The following ACADM variants were observed in gnomAD, a reference collection of about 807,000 sequenced individuals.
ACADM encodes the protein acyl-CoA dehydrogenase medium chain.
In ACADM, 49 loss-of-function variants were observed where a neutral mutation model predicts 58.9. That is an observed-to-expected ratio of 0.83 (90% CI 0.66 to 1.06). ACADM has a LOEUF of 1.06. Ranked by LOEUF, ACADM falls within the 50% of genes least tolerant of loss-of-function variation. The pLI, the probability that ACADM is intolerant of heterozygous loss-of-function variation, is 0.00. For synonymous variants in ACADM, 160 were observed against 157.7 expected, an observed-to-expected ratio of 1.01 and a Z score of -0.11; for missense variants, 496 against 507.0, an observed-to-expected ratio of 0.98 and a Z score of 0.21.
intron 6 of ACADM, among the ~76,000 whole-genome samples, chr1:75,738,617 A>T (rs1193115889): frequency 6.6e-6 from 1 of 152,118 alleles, no homozygotes; most frequent in African/African-American, 2.4e-5. Flanking sequence ...GTATATTTTT[A>T]AAAAATAAAT....
intron 2 of ACADM, 96 bp downstream of exon 2, chr1:75,728,584 C>A: frequency 1.1e-6 from 1 of 911,488 alleles, no homozygotes; most frequent in Non-Finnish European, 1.8e-6. Context: ...TTAATAATGT[C>A]TTTCAATGAG....
intron 7 of ACADM, among the ~76,000 whole-genome samples, chr1:75,742,778 C>T (rs772241868): frequency 2.0e-5 from 3 of 152,238 alleles, no homozygotes; most frequent in Admixed American, 1.3e-4. Context: ...GATTACAACA[C>T]GTGACCTCAG....
intron 6 of ACADM, among the ~76,000 whole-genome samples, chr1:75,738,980 G>A (rs77611227): frequency 2.0e-5 from 3 of 152,138 alleles, no homozygotes; most frequent in East Asian, 1.9e-4. Flanking sequence ...GATTCTCGTC[G>A]ACCATTTCCT....
intron 7 of ACADM, chr1:75,743,676 A>C: frequency 6.8e-7 from 1 of 1,459,910 alleles, no homozygotes; most frequent in Admixed American, 1.7e-5. Context: ...TGGTGAAGGT[A>C]CCACCATCCA....
chr1:75,749,316 T>G, intron 8 of ACADM, 103 bp from the exon 9 acceptor site: 3 of 1,199,572 alleles, frequency 2.5e-6, no homozygotes, highest in Non-Finnish European at 3.6e-6. Context: ...AGTTTGTTGA[T>G]CCCTGTTTTA....
Position 75,734,826 on chromosome 1 carries a change from AAAG to A in ACADM, c.430_432del (p.Lys144del), listed in dbSNP as rs875989857. On this transcript the variant is annotated inframe_deletion, in exon 6 of 12. Transcript: ENST00000370841. ...TTATTATTGCTGGAAATGATCAACA[AAAG>A]AAGAAGTATTTGGGGAGAATGACTG... The A allele has an allele frequency of 1.1e-5, 17 of 1,613,864 alleles. No homozygotes were observed. Among genetic ancestry groups the A allele is most frequent in the Non-Finnish European group, 1.4e-5 (16 of 1,179,940 alleles).
intron 7 of ACADM, among the ~76,000 whole-genome samples, chr1:75,743,217 G>A (rs562662553): frequency 3.3e-5 from 5 of 152,322 alleles, no homozygotes; most frequent in Admixed American, 1.3e-4. Context: ...TCGAGGGTAT[G>A]AGACAGGTGC....
chr1:75,758,054 ACT>A (rs912441062), intron 10 of ACADM, among the ~76,000 whole-genome samples: 10 of 151,778 alleles, frequency 6.6e-5, no homozygotes, highest in Non-Finnish European at 1.0e-4. Flanking sequence ...TAATTTTTTT[ACT>A]TTTTTTTTAA....
In ACADM at chr1:75,740,091, A is replaced by G. The variant is rs773677327; in HGVS notation, c.580A>G (p.Asn194Asp). 8 of 1,612,052 alleles carry G rather than the reference A, an allele frequency of 5.0e-6. No individual in the cohort carries two copies. In the Admixed American group the frequency reaches 1.3e-4, roughly 27 times the overall value. The change falls in exon 7 of 12, where the codon AAC becomes GAC. Residue 194 changes from asparagine to aspartate, a missense_variant. Asn to Asp is a conservative substitution (Grantham distance 23). Transcript: ENST00000370841. ...IINGQKMWIT[N>D]GGKANWYFLL... ...TAATGGTCAGAAGATGTGGATAACC[A>G]ACGGAGGAAAAGCTAATTGGTATGT...
At position 75,735,823 on chromosome 1, in the gene ACADM, C is replaced by T. The variant is rs536189999; in HGVS notation, c.468+952C>T. ...CGGCACTGCACTCCAGCCTGGGCAA[C>T]AGAGTGAGACTCTGTCTCAAAAAAA... On this transcript the variant is annotated intron_variant, in intron 6 of 11. Transcript: ENST00000370841. Among the ~76,000 whole-genome samples, 305 of 142,328 alleles carry T rather than the reference C, an allele frequency of 2.1e-3. 1 individual carries two copies. The highest frequency in any genetic ancestry group is 7.4e-3 in the African/African-American group (285 of 38,338). 93.4% of individuals were successfully genotyped at this position (142,328 alleles called of 152,430 possible). A position where few individuals can be genotyped will look rare whatever the true frequency, so the allele number is the denominator to read the frequency against.
At chr1:75,756,760 T>C (rs909871393) in intron 10 of ACADM, among the ~76,000 whole-genome samples, 1 of 152,204 alleles carries the variant, frequency 6.6e-6, no homozygotes, top group African/African-American at 2.4e-5. Context: ...CAGACAATCC[T>C]AAGCCAAAAC....
intron 7 of ACADM, among the ~76,000 whole-genome samples, chr1:75,741,671 A>G (rs564733702): frequency 2.0e-5 from 3 of 152,368 alleles, no homozygotes; most frequent in East Asian, 3.8e-4. Flanking sequence ...TAGGTAATAT[A>G]TGAAACCAGA....
At position 75,728,426 on chromosome 1, in the gene ACADM, A is replaced by G. The variant is rs1446893994; in HGVS notation, c.56A>G (p.His19Arg). 13 of 1,613,332 alleles carry G rather than the reference A, an allele frequency of 8.1e-6. No individual in the cohort carries two copies. The highest frequency in any genetic ancestry group is 1.1e-5 in the Non-Finnish European group (13 of 1,179,630). Residue 19 changes from histidine to arginine, a missense_variant, in exon 2 of 12, where the codon CAT becomes CGT. Coordinates refer to ENST00000370841, the MANE Select transcript of ACADM (RefSeq NM_000016.6). ...GTCCTGAGAAGTATTTCTCGTTTTC[A>G]TTGGAGATCACAGCATACAAAAGCC... Reference protein sequence around the residue: ...CRVLRSISRFHWRSQHTKANR... With the variant: ...CRVLRSISRFRWRSQHTKANR...
At chr1:75,744,543 A>T (rs1349574198) in intron 7 of ACADM, 1 of 1,498,938 alleles carries the variant, frequency 6.7e-7, no homozygotes, top group Non-Finnish European at 9.3e-7. Context: ...CAGGTTCTGC[A>T]AACGCTGGGG....
chr1:75,733,710 GA>G (rs145811227), intron 5 of ACADM, 82 bp downstream of exon 5: 130 of 1,132,468 alleles, frequency 1.1e-4, no homozygotes, highest in Middle Eastern at 2.0e-4. Context: ...ATTTTTAGAA[GA>G]AAAAAAAAGG....
In ACADM at chr1:75,752,018, G is replaced by T. The variant is rs79740522; in HGVS notation, c.945+1472G>T. ...CTCTTTTTTTTTTTTTTTGAGACAG[G>T]GTCTTGGTTGCCCAAATGCGAGTGC... On this transcript the variant is annotated intron_variant, in intron 10 of 11. Coordinates refer to ENST00000370841, the MANE Select transcript of ACADM (RefSeq NM_000016.6). Among the ~76,000 whole-genome samples, 365 of 145,060 alleles carry T rather than the reference G, an allele frequency of 2.5e-3. 2 individuals are homozygous for T. The highest frequency in any genetic ancestry group is 9.2e-3 in the African/African-American group (355 of 38,526).
chr1:75,737,587 C>T (rs1409832882), intron 6 of ACADM, among the ~76,000 whole-genome samples: 1 of 151,892 alleles, frequency 6.6e-6, no homozygotes, highest in African/African-American at 2.4e-5. Context: ...CATCAAATCT[C>T]CAGGTAGCAG....
intron 10 of ACADM, 21 bp downstream of exon 10, chr1:75,750,567 T>C: frequency 6.7e-7 from 1 of 1,481,696 alleles, no homozygotes; most frequent in Non-Finnish European, 9.4e-7. Flanking sequence ...TACTGCTTGC[T>C]TTGTTCAAAT....
chr1:75,759,514 A>G (rs1044858835), intron 10 of ACADM, among the ~76,000 whole-genome samples: 6 of 152,132 alleles, frequency 3.9e-5, no homozygotes, highest in African/African-American at 9.7e-5. Context: ...AGCACTTACT[A>G]TCCCTTATTG....
Sources: gnomAD v4.1 joint callset for allele counts (sites outside exome capture counted in the v4.1 genomes callset) on GRCh38, gnomAD v4.1.1 for gene constraint, MANE v1.5 for transcripts, NCBI Gene and HGNC (gene_info 2026-07-23, HGNC 2026-07-21) for gene names.